The following ARHGAP44 variants were observed in gnomAD, a reference collection of about 807,000 sequenced individuals.
The protein encoded by ARHGAP44 is Rho GTPase activating protein 44.
ARHGAP44 carries 43 observed loss-of-function variants against 106.8 expected under a neutral mutation model. The observed-to-expected ratio is 0.40, with a 90% CI of 0.32 to 0.52. The LOEUF is 0.52. Ranked by LOEUF, ARHGAP44 falls within the 20% of genes least tolerant of loss-of-function variation. The pLI is 0.48. For synonymous variants in ARHGAP44, 439 were observed against 410.3 expected (o/e 1.07, Z -0.85); for missense variants, 866 against 1,050.5 (o/e 0.82, Z 2.43).
At chr17:12,973,483 G>A in intron 17 of ARHGAP44, 164 bp downstream of exon 17, 2 of 709,102 alleles carry the variant, frequency 2.8e-6, no homozygotes, top group South Asian at 3.7e-5. Flanking sequence ...AGAGCCCAGA[G>A]GGACCATAGG....
rs1250246418 is a variant in ARHGAP44 at position 12,919,268 on chromosome 17, C to T, written c.388-487C>T. On this transcript the variant is annotated intron_variant, in intron 5 of 20. Coordinates refer to ENST00000379672, the MANE Select transcript of ARHGAP44 (RefSeq NM_014859.6). ...CGTACACCTGAAATATATACAATTC[C>T]TATTAGTTAGACCTCAGTAACACAA... 2.6e-5 allele frequency among the ~76,000 whole-genome samples: 4 copies of T among 152,088 alleles called. No individual in the cohort carries two copies. The East Asian group carries it at 7.7e-4, about 29-fold the overall frequency.
chr17:12,826,801 C>G (rs550650412), intron 1 of ARHGAP44, among the ~76,000 whole-genome samples: 1 of 152,178 alleles, frequency 6.6e-6, no homozygotes, highest in South Asian at 2.1e-4. Context: ...CCATTTCTTA[C>G]AACAAGCCTT....
intron 14 of ARHGAP44, among the ~76,000 whole-genome samples, chr17:12,956,269 A>C (rs746568803): frequency 6.5e-4 from 99 of 152,258 alleles, no homozygotes; most frequent in South Asian, 1.7e-3. Context: ...ATGGTGGCAC[A>C]GGTCAGGCAA....
chr17:12,974,377 A>G, intron 18 of ARHGAP44, 67 bp downstream of exon 18: 1 of 1,254,204 alleles, frequency 8.0e-7, no homozygotes, highest in South Asian at 2.0e-5. Context: ...GGTTGGCCGC[A>G]CTGGAGGCCT....
At chr17:12,925,343 A>G (rs1330273482) in intron 6 of ARHGAP44, among the ~76,000 whole-genome samples, 3 of 152,150 alleles carry the variant, frequency 2.0e-5, no homozygotes, top group African/African-American at 7.2e-5. Flanking sequence ...GGTCATGCAG[A>G]ACCTGGCAGT....
At chr17:12,896,293 T>C in intron 2 of ARHGAP44, 114 bp from the exon 3 acceptor site, 1 of 790,440 alleles carries the variant, frequency 1.3e-6, no homozygotes. Flanking sequence ...CAAAGCTGTC[T>C]CTCCAGGAGT....
intron 16 of ARHGAP44, among the ~76,000 whole-genome samples, chr17:12,972,135 A>C (rs559890451): frequency 6.6e-6 from 1 of 152,272 alleles, no homozygotes; most frequent in South Asian, 2.1e-4. Flanking sequence ...CATAGTCCTC[A>C]TACACCTATC....
In ARHGAP44 at chr17:12,950,295, T is replaced by C. The variant is rs1402680638; in HGVS notation, c.1055+565T>C. On this transcript the variant is annotated intron_variant, in intron 12 of 20. Coordinates refer to ENST00000379672, the MANE Select transcript of ARHGAP44 (RefSeq NM_014859.6). ...CCTCATCTATAATAGCTGAATATATTTTAACAATAAGTAATAATGAACTTA... is the reference window on the plus strand; with the variant it reads ...CCTCATCTATAATAGCTGAATATATCTTAACAATAAGTAATAATGAACTTA... Among the ~76,000 whole-genome samples, 3 of 152,114 alleles carry C rather than the reference T, an allele frequency of 2.0e-5. 1 individual carries two copies. Among genetic ancestry groups the C allele is most frequent in the Admixed American group, 1.3e-4 (2 of 15,272 alleles).
At chr17:12,819,968 G>A (rs1224556482) in intron 1 of ARHGAP44, among the ~76,000 whole-genome samples, 1 of 151,976 alleles carries the variant, frequency 6.6e-6, no homozygotes, top group East Asian at 1.9e-4. Context: ...GTGTCCTATT[G>A]AAGAAATCAT....
intron 1 of ARHGAP44, among the ~76,000 whole-genome samples, chr17:12,875,931 C>T (rs138585464): frequency 1.4e-5 from 2 of 140,652 alleles, no homozygotes; most frequent in African/African-American, 2.5e-5. Context: ...AGGACAAGAG[C>T]GAGACTTCGT....
intron 1 of ARHGAP44, among the ~76,000 whole-genome samples, chr17:12,847,286 C>G (rs908711211): frequency 1.3e-5 from 2 of 152,096 alleles, no homozygotes; most frequent in African/African-American, 4.8e-5. Flanking sequence ...TATGTTAATG[C>G]TTTATTTTAC....
At chr17:12,808,631 G>A (rs944233043) in intron 1 of ARHGAP44, among the ~76,000 whole-genome samples, 8 of 152,196 alleles carry the variant, frequency 5.3e-5, no homozygotes, top group Non-Finnish European at 7.3e-5. Context: ...AAAGGAGTAC[G>A]AACCTGAGTC....
At chr17:12,810,910 T>C (rs2034419062) in intron 1 of ARHGAP44, among the ~76,000 whole-genome samples, 1 of 152,206 alleles carries the variant, frequency 6.6e-6, no homozygotes, top group African/African-American at 2.4e-5. Context: ...TCCGGTTGAC[T>C]GGAAGTGTTA....
chr17:12,893,052 ACT>A (rs2037095703), intron 1 of ARHGAP44, among the ~76,000 whole-genome samples: 2 of 149,616 alleles, frequency 1.3e-5, no homozygotes, highest in East Asian at 4.0e-4. Flanking sequence ...ATATTATGTG[ACT>A]CTGGATCTCA....
intron 16 of ARHGAP44, among the ~76,000 whole-genome samples, chr17:12,969,133 A>G (rs944631811): frequency 2.0e-5 from 3 of 152,266 alleles, no homozygotes; most frequent in African/African-American, 7.2e-5. Flanking sequence ...CACTGTTAGG[A>G]AGGGAAGAAA....
intron 18 of ARHGAP44, among the ~76,000 whole-genome samples, chr17:12,976,799 A>C (rs2039694551): frequency 6.6e-6 from 1 of 151,980 alleles, no homozygotes; most frequent in Non-Finnish European, 1.5e-5. Flanking sequence ...GATGGACCTG[A>C]GAGATGCAGA....
intron 6 of ARHGAP44, 33 bp from the exon 7 acceptor site, chr17:12,928,886 GCTCTACCTGT>G (rs1567692496): frequency 6.5e-7 from 1 of 1,535,970 alleles, no homozygotes; most frequent in East Asian, 2.3e-5. Flanking sequence ...GATCCCCAGG[GCTCTACCTGT>G]CTCACATCTC....
intron 7 of ARHGAP44, among the ~76,000 whole-genome samples, chr17:12,931,323 C>G (rs1016733935): frequency 6.6e-6 from 1 of 152,152 alleles, no homozygotes; most frequent in African/African-American, 2.4e-5. Flanking sequence ...CTGCCCGCCT[C>G]AGCCTCCCAA....
Position 12,875,861 on chromosome 17 carries a change from T to C in ARHGAP44, c.54-19079T>C, listed in dbSNP as rs189074660. On this transcript the variant is annotated intron_variant, in intron 1 of 20. Coordinates refer to ENST00000379672, the MANE Select transcript of ARHGAP44 (RefSeq NM_014859.6). ...GGGGAGGCTGAGGCAGGAGAATCAC[T>C]TGAACCCGGGAGGTGGAGTTTGCAG... 3.2e-4 allele frequency among the ~76,000 whole-genome samples: 48 copies of C among 152,280 alleles called. No individual in the cohort carries two copies. The East Asian group carries it at 7.7e-3, about 25-fold the overall frequency.
Sources: gnomAD v4.1 joint callset for allele counts (sites outside exome capture counted in the v4.1 genomes callset) on GRCh38, gnomAD v4.1.1 for gene constraint, MANE v1.5 for transcripts, NCBI Gene and HGNC (gene_info 2026-07-23, HGNC 2026-07-21) for gene names.